RAC1: variants seen among roughly 807,000 people sequenced by gnomAD.
RAC1 encodes ras-related C3 botulinum toxin substrate 1.
RAC1 carries 2 observed loss-of-function variants against 25.2 expected under a neutral mutation model. That is an observed-to-expected ratio of 0.08 (90% CI 0.03 to 0.25). The LOEUF is 0.25. Among genes scored for constraint, RAC1 ranks in the 10% least tolerant of loss-of-function variants. RAC1 has a pLI of 1.00. For synonymous variants in RAC1, 88 were observed against 94.0 expected, an observed-to-expected ratio of 0.94 and a Z score of 0.37; for missense variants, 50 against 235.7, an observed-to-expected ratio of 0.21 and a Z score of 5.16.
At chr7:6,394,282 G>T (rs973562175) in intron 3 of RAC1, among the ~76,000 whole-genome samples, 1 of 152,214 alleles carries the variant, frequency 6.6e-6, no homozygotes, top group Admixed American at 6.5e-5. Flanking sequence ...TGGTGAGCAG[G>T]TAGTCGCCAT....
At chr7:6,375,743 G>A (rs1463268195) in intron 1 of RAC1, 3 of 151,790 alleles carry the variant, frequency 2.0e-5, no homozygotes, top group Non-Finnish European at 2.9e-5. Context: ...TTAGGTATGG[G>A]ATGTAGCAGA....
intron 3 of RAC1, among the ~76,000 whole-genome samples, chr7:6,398,139 T>G (rs1005019686): frequency 9.9e-5 from 15 of 152,214 alleles, no homozygotes; most frequent in Non-Finnish European, 2.2e-4. Flanking sequence ...ATAGGAACAT[T>G]TCTGCATAGG....
Position 6,402,871 on chromosome 7 carries a change from C to T in RAC1, c.*425C>T, listed in dbSNP as rs539108343. 4.2e-4 allele frequency: 83 copies of T among 199,784 alleles called. No homozygotes were observed. The highest frequency in any genetic ancestry group is 4.4e-4 in the Non-Finnish European group (42 of 96,536). 12.4% of individuals were successfully genotyped at this position (199,784 alleles called of 1,614,324 possible). A position where few individuals can be genotyped will look rare whatever the true frequency, so the allele number is the denominator to read the frequency against. On this transcript the variant is annotated 3_prime_UTR_variant, in exon 6 of 6. Coordinates refer to ENST00000348035, the MANE Select transcript of RAC1 (RefSeq NM_006908.5). ...AGCTTCTGCAGTTAGGAGGTGCAGA[C>T]ACTTGCTCTCCTATGTAGTTCTCAG...
chr7:6,385,555 G>A (rs963240182), intron 1 of RAC1, among the ~76,000 whole-genome samples: 1 of 152,146 alleles, frequency 6.6e-6, no homozygotes, highest in African/African-American at 2.4e-5. Flanking sequence ...TGTCCAATGA[G>A]TCATTTCTGT....
chr7:6,395,129 C>G (rs1037426944), intron 3 of RAC1, among the ~76,000 whole-genome samples: 35 of 152,220 alleles, frequency 2.3e-4, no homozygotes, highest in African/African-American at 7.9e-4. Context: ...GCTGGGATTA[C>G]AAATTTTGTA....
intron 3 of RAC1, among the ~76,000 whole-genome samples, chr7:6,396,080 G>T (rs549179858): frequency 6.3e-4 from 96 of 152,276 alleles, no homozygotes; most frequent in African/African-American, 2.1e-3. Flanking sequence ...AAGGCACCAC[G>T]TGTGTAACAG....
chr7:6,391,492 C>T (rs902428801), intron 2 of RAC1: 10 of 186,686 alleles, frequency 5.4e-5, no homozygotes, highest in Admixed American at 1.1e-4. Flanking sequence ...ACACTCAGGC[C>T]TTCTGGAAAC....
chr7:6,389,584 G>C (rs1464548943), intron 2 of RAC1, among the ~76,000 whole-genome samples: 7 of 151,970 alleles, frequency 4.6e-5, no homozygotes, highest in African/African-American at 1.7e-4. Context: ...GGAGGCTGAG[G>C]CAGGAGGATT....
At position 6,401,810 on chromosome 7, in the gene RAC1, A is replaced by G; in HGVS notation, c.289-58A>G. ...GAGTGCCGCCGGCTGGGTGTGATTTAGGTGAAGGACATCTGTAAAGGAGCG... is the reference window on the plus strand; with the variant it reads ...GAGTGCCGCCGGCTGGGTGTGATTTGGGTGAAGGACATCTGTAAAGGAGCG... On this transcript the variant is annotated intron_variant, in intron 4 of 5. Coordinates refer to ENST00000348035, the MANE Select transcript of RAC1 (RefSeq NM_006908.5). 1.9e-6 allele frequency: 3 copies of G among 1,547,512 alleles called. No homozygotes were observed. In the South Asian group the frequency reaches 3.7e-5, roughly 19 times the overall value.
chr7:6,380,926 T>C (rs572506490), intron 1 of RAC1, among the ~76,000 whole-genome samples: 2 of 152,290 alleles, frequency 1.3e-5, no homozygotes, highest in Non-Finnish European at 2.9e-5. Flanking sequence ...TGGAGTGCAA[T>C]GGCATGATCT....
At chr7:6,395,206 TC>T (rs1783201209) in intron 3 of RAC1, among the ~76,000 whole-genome samples, 1 of 152,184 alleles carries the variant, frequency 6.6e-6, no homozygotes, top group South Asian at 2.1e-4. Context: ...CCTCAGGTGA[TC>T]CGCCTGCCTC....
chr7:6,379,527 C>T, intron 1 of RAC1, among the ~76,000 whole-genome samples: 1 of 152,002 alleles, frequency 6.6e-6, no homozygotes, highest in Non-Finnish European at 1.5e-5. Context: ...CCTGCCTTAG[C>T]CTCTCAAAAA....
chr7:6,375,426 G>T (rs1375070999), intron 1 of RAC1, among the ~76,000 whole-genome samples: 1 of 152,026 alleles, frequency 6.6e-6, no homozygotes, highest in South Asian at 2.1e-4. Context: ...GGGTCTCACT[G>T]TGTTGTCCAG....
In RAC1 at chr7:6,402,233, C is replaced by T. The variant is rs1783422315; in HGVS notation, c.449-83C>T. 52 of 1,521,580 alleles carry T rather than the reference C, an allele frequency of 3.4e-5. No individual in the cohort carries two copies. The South Asian group carries it at 6.1e-4, about 18-fold the overall frequency. 94.3% of individuals were successfully genotyped at this position (1,521,580 alleles called of 1,614,324 possible). ...GGGAGCCGGCAGAAGGCGCCCGGGC[C>T]CCAGGAGCTGCCTCCCGCTGGTGGT... On this transcript the variant is annotated intron_variant, in intron 5 of 5. Coordinates refer to ENST00000348035, the MANE Select transcript of RAC1 (RefSeq NM_006908.5).
intron 1 of RAC1, among the ~76,000 whole-genome samples, chr7:6,376,573 GC>G (rs1157990048): frequency 4.3e-5 from 6 of 138,142 alleles, no homozygotes; most frequent in Non-Finnish European, 7.5e-5. Context: ...CGCGATCTCT[GC>G]TCCTGCAACC....
intron 1 of RAC1, among the ~76,000 whole-genome samples, chr7:6,379,625 G>A (rs773555235): frequency 2.7e-4 from 41 of 152,304 alleles, no homozygotes; most frequent in Non-Finnish European, 5.4e-4. Flanking sequence ...GACCAGGTTG[G>A]TTTCGAACTC....
intron 2 of RAC1, among the ~76,000 whole-genome samples, chr7:6,390,096 C>CTTTTTTTTTTTTTTTT (rs34547258): frequency 1.2e-4 from 9 of 74,916 alleles, no homozygotes; most frequent in East Asian, 1.5e-3. Flanking sequence ...CCCTCCCTCC[C>CTTTTTTTTTTTTTTTT]TTTTTTTTTT....
intron 1 of RAC1, chr7:6,375,918 T>G (rs1272456193): frequency 1.3e-5 from 2 of 151,940 alleles, no homozygotes; most frequent in Non-Finnish European, 2.9e-5. Context: ...CTTGTATAGG[T>G]TAGTGTTAGC....
At chr7:6,393,579 C>T (rs1783149603) in intron 3 of RAC1, among the ~76,000 whole-genome samples, 2 of 152,166 alleles carry the variant, frequency 1.3e-5, no homozygotes, top group Non-Finnish European at 2.9e-5. Context: ...TTGAACAAAG[C>T]TGTAGAGTGT....
Sources: gnomAD v4.1 joint callset for allele counts (sites outside exome capture counted in the v4.1 genomes callset) on GRCh38, gnomAD v4.1.1 for gene constraint, MANE v1.5 for transcripts, NCBI Gene and HGNC (gene_info 2026-07-23, HGNC 2026-07-21) for gene names.